The following ALPK1 variants were observed in gnomAD, a reference collection of about 807,000 sequenced individuals.
ALPK1 encodes the protein alpha-protein kinase 1.
In ALPK1, 110 loss-of-function variants were observed where a neutral mutation model predicts 120.6. The observed-to-expected ratio is 0.91, with a 90% CI of 0.78 to 1.07. The LOEUF (loss-of-function observed/expected upper bound fraction) is 1.07. ALPK1 is among the 50% of genes least tolerant of loss of function. The pLI is 0.00. For missense variants in ALPK1, 1,498 were observed against 1,483.9 expected, an observed-to-expected ratio of 1.01 and a Z score of -0.16; for synonymous variants, 582 against 560.3, an observed-to-expected ratio of 1.04 and a Z score of -0.55.
chr4:112,414,384 A>G (rs981884442), intron 5 of ALPK1: 1 of 447,812 alleles, frequency 2.2e-6, no homozygotes, highest in African/African-American at 2.0e-5. Context: ...AAGCGGGTGG[A>G]TCACCTGAAG....
chr4:112,430,318 G>T, intron 10 of ALPK1, 130 bp from the exon 11 acceptor site: 3 of 918,222 alleles, frequency 3.3e-6, no homozygotes, highest in Non-Finnish European at 4.8e-6. Flanking sequence ...ATTTTCCTTA[G>T]AATGTATGTG....
In ALPK1 at chr4:112,430,694, A is replaced by G. The variant is rs147641444; in HGVS notation, c.1147A>G (p.Lys383Glu). ...GGTCCATGCAGCAAGTCAGCTCTGT[A>G]AGGAAGCAATGGGGAAGCTGTACAA... ...GTVHAASQLC[K>E]EAMGKLYNFS... The change falls in exon 11 of 16, where the codon AAG becomes GAG. Residue 383 changes from lysine (K) to glutamate (E), a missense_variant. Physicochemically the swap from Lys to Glu is moderately conservative, Grantham distance 56 (BLOSUM62 1). Transcript: ENST00000650871. 3,434 of 1,614,214 alleles carry G rather than the reference A, an allele frequency of 2.1e-3. 14 individuals are homozygous for G. Among genetic ancestry groups the G allele is most frequent in the South Asian group, 8.3e-3 (754 of 91,080 alleles).
chr4:112,358,475 G>A (rs940233759), intron 2 of ALPK1: 79 of 666,244 alleles, frequency 1.2e-4, no homozygotes, highest in Non-Finnish European at 1.7e-4. Flanking sequence ...CGACCTGCAC[G>A]TCCTTAGCCT....
chr4:112,351,835 T>C (rs1578489746), intron 2 of ALPK1, among the ~76,000 whole-genome samples: 1 of 152,228 alleles, frequency 6.6e-6, no homozygotes, highest in South Asian at 2.1e-4. Flanking sequence ...GGCAATCTAG[T>C]GTTTCTCAAA....
intron 4 of ALPK1, chr4:112,383,460 CCCT>C (rs1357189651): frequency 2.6e-5 from 4 of 151,904 alleles, no homozygotes; most frequent in African/African-American, 9.7e-5. Context: ...AAGAAAGACC[CCCT>C]GATCTATAGA....
chr4:112,439,544 A>G (rs184009742), intron 13 of ALPK1, 142 bp from the exon 14 acceptor site: 1 of 609,440 alleles, frequency 1.6e-6, no homozygotes, highest in Admixed American at 3.5e-5. Context: ...AGGTAGTTAT[A>G]ATTATACCTA....
intron 12 of ALPK1, among the ~76,000 whole-genome samples, chr4:112,435,579 T>A (rs556843093): frequency 3.9e-5 from 6 of 152,282 alleles, no homozygotes; most frequent in African/African-American, 1.4e-4. Context: ...AAAAATAAAG[T>A]TCCTGGCCAC....
In ALPK1 at chr4:112,313,238, T is replaced by A. The variant is rs184353149; in HGVS notation, c.-152-2563T>A. On this transcript the variant is annotated intron_variant, in intron 1 of 15. Transcript: ENST00000650871. ...GGTTTAGATGGAGAAAGGAAGATAG[T>A]TTGAGACTGAGCCTTTGCATACTCC... Among the ~76,000 whole-genome samples the A allele has an allele frequency of 3.5e-4, 54 of 152,264 alleles. 1 individual carries two copies. Among genetic ancestry groups the A allele is most frequent in the Admixed American group, 2.8e-3 (43 of 15,294 alleles).
rs1734301980 is a variant in ALPK1, at chr4:112,427,725, T to C, written c.795+60T>C. The C allele has an allele frequency of 4.8e-6, 6 of 1,253,280 alleles. No homozygotes were observed. In the Admixed American group the frequency reaches 7.1e-5, roughly 15 times the overall value. 77.6% of individuals were successfully genotyped at this position (1,253,280 alleles called of 1,614,324 possible). ...AAATTGTCAATCGTGTCCTTGGTGG[T>C]TGGTTAGTGGCTGTCTTTCTCAGGA... On this transcript the variant is annotated intron_variant, in intron 9 of 15. Coordinates refer to ENST00000650871, the MANE Select transcript of ALPK1 (RefSeq NM_025144.4).
At chr4:112,415,634 C>CAA (rs35692183) in intron 5 of ALPK1, among the ~76,000 whole-genome samples, 29 of 126,336 alleles carry the variant, frequency 2.3e-4, no homozygotes, top group South Asian at 5.3e-4. Flanking sequence ...GACTCTGTCT[C>CAA]AAAAAAAAAA....
intron 2 of ALPK1, among the ~76,000 whole-genome samples, chr4:112,375,371 G>T (rs1578513531): frequency 6.6e-6 from 1 of 151,812 alleles, no homozygotes; most frequent in Non-Finnish European, 1.5e-5. Flanking sequence ...GTAGAGATGG[G>T]GTCTCCCTCT....
At chr4:112,382,282 T>C (rs1324946732) in intron 3 of ALPK1, 116 bp from the exon 4 acceptor site, 37 of 1,186,950 alleles carry the variant, frequency 3.1e-5, no homozygotes, top group Non-Finnish European at 4.2e-5. Context: ...AGGGAAAAGG[T>C]TTTTCTCTTT....
chr4:112,329,711 A>C (rs1729276505), intron 2 of ALPK1, among the ~76,000 whole-genome samples: 1 of 152,220 alleles, frequency 6.6e-6, no homozygotes, highest in African/African-American at 2.4e-5. Flanking sequence ...AAGACAGTCC[A>C]AATAAGAGCA....
intron 2 of ALPK1, among the ~76,000 whole-genome samples, chr4:112,323,131 C>T (rs1197344117): frequency 6.6e-6 from 1 of 152,214 alleles, no homozygotes. Context: ...TTCACACTGC[C>T]ATCCACCCCT....
Position 112,435,230 on chromosome 4 carries a change from T to C in ALPK1, c.3117T>C (p.Thr1039=). The change falls in exon 12 of 16, where the codon ACT becomes ACC. Residue 1039 remains threonine (T), a synonymous_variant. Coordinates refer to ENST00000650871, the MANE Select transcript of ALPK1 (RefSeq NM_025144.4). ...ETIVYLGDYL[T]VKKKGRQRNA... ...TTGTCTATTTGGGGGACTACTTGAC[T>C]GTGAAGAAAAAAGGCAGACAAAGAA... is the stretch of plus-strand genomic sequence containing the variant. 2 of 1,613,750 alleles carry C rather than the reference T, an allele frequency of 1.2e-6. No homozygotes were observed. The highest frequency in any genetic ancestry group is 1.1e-5 in the South Asian group (1 of 90,998).
chr4:112,304,731 C>T (rs1727951829), intron 1 of ALPK1, among the ~76,000 whole-genome samples: 1 of 152,070 alleles, frequency 6.6e-6, no homozygotes, highest in Non-Finnish European at 1.5e-5. Context: ...GTTTCTTTTG[C>T]TGTGCAGAAG....
intron 9 of ALPK1, 26 bp downstream of exon 9, chr4:112,427,691 T>A: frequency 6.5e-7 from 1 of 1,530,878 alleles, no homozygotes; most frequent in Non-Finnish European, 9.0e-7. Context: ...CTGAGTGGCA[T>A]CACCTGTAAA....
At chr4:112,425,846 A>C in intron 7 of ALPK1, 95 bp downstream of exon 7, 1 of 1,004,708 alleles carries the variant, frequency 1.0e-6, no homozygotes, top group Non-Finnish European at 1.5e-6. Context: ...TCAGGCTAAA[A>C]TTGTTAATTT....
At chr4:112,379,485 G>T (rs557090164) in intron 3 of ALPK1, among the ~76,000 whole-genome samples, 2 of 152,244 alleles carry the variant, frequency 1.3e-5, no homozygotes, top group Non-Finnish European at 2.9e-5. Context: ...CAGCCCAAGG[G>T]CGGCGCTGCG....
Sources: gnomAD v4.1 joint callset for allele counts (sites outside exome capture counted in the v4.1 genomes callset) on GRCh38, gnomAD v4.1.1 for gene constraint, MANE v1.5 for transcripts, NCBI Gene and HGNC (gene_info 2026-07-23, HGNC 2026-07-21) for gene names.